SLC35B3: variants seen among roughly 807,000 people sequenced by gnomAD.
SLC35B3 encodes solute carrier family 35 member B3, also known as adenosine 3'-phospho 5'-phosphosulfate transporter 2.
Under a neutral mutation model 44.1 loss-of-function variants are expected in SLC35B3, and 35 were observed. That is an observed-to-expected ratio of 0.79 (90% CI 0.61 to 1.05). SLC35B3 has a LOEUF of 1.05. Ranked by LOEUF, SLC35B3 falls within the 50% of genes least tolerant of loss-of-function variation. The pLI is 0.00. For synonymous variants in SLC35B3, 146 were observed against 167.3 expected, an observed-to-expected ratio of 0.87 and a Z score of 0.98; for missense variants, 414 against 476.4, an observed-to-expected ratio of 0.87 and a Z score of 1.22.
Position 8,429,966 on chromosome 6 carries a change from A to G in SLC35B3, c.195T>C (p.Val65=), listed in dbSNP as rs979405916. The G allele has an allele frequency of 1.9e-6, 3 of 1,612,944 alleles. No individual in the cohort carries two copies. The highest frequency in any genetic ancestry group is 2.2e-5 in the East Asian group (1 of 44,856). Residue 65 remains valine (V), a synonymous_variant, in exon 3 of 11, where the codon GTT becomes GTC. Transcript: ENST00000644923. Reference sequence around the variant, plus strand: ...TGCTGAGATTCATGCCAAGTACCACAACGTCGTCAACTGACTTGATGTGTG... The same window carrying G: ...TGCTGAGATTCATGCCAAGTACCACGACGTCGTCAACTGACTTGATGTGTG...
At position 8,433,326 on chromosome 6, in the gene SLC35B3, A is replaced by G. The variant is rs1360173322; in HGVS notation, c.3+1059T>C. 6.6e-6 allele frequency among the ~76,000 whole-genome samples: 1 copy of G among 152,156 alleles called. No individual in the cohort carries two copies. The highest frequency in any genetic ancestry group is 1.5e-5 in the Non-Finnish European group (1 of 68,030). ...TGTCCTGGACTCAATCATATTATAC[A>G]TATTTTTCAAATTCCTAAATGATAA... On this transcript the variant is annotated intron_variant, in intron 2 of 10. Transcript: ENST00000644923. This position sits in a 1 kb window ranked among gnomAD's most constrained non-coding sequence, Gnocchi z 4.1.
In SLC35B3 at chr6:8,411,707, A is replaced by G. The variant is rs536476468; in HGVS notation, c.*1842T>C. Among the ~76,000 whole-genome samples the G allele has an allele frequency of 6.6e-6, 1 of 152,214 alleles. No homozygotes were observed. Among genetic ancestry groups the G allele is most frequent in the Non-Finnish European group, 1.5e-5 (1 of 68,032 alleles). On this transcript the variant is annotated 3_prime_UTR_variant, in exon 11 of 11. Coordinates refer to ENST00000644923, the MANE Select transcript of SLC35B3 (RefSeq NM_001370476.2). ...GATACAGGCTCTGTTGTACCTGCAT[A>G]TGCACATAACAGATTAAATAGCCAT...
In SLC35B3 at chr6:8,434,284, G is replaced by T; in HGVS notation, c.3+101C>A. 8.9e-7 allele frequency: 1 copy of T among 1,121,802 alleles called. No homozygotes were observed. The highest frequency in any genetic ancestry group is 1.3e-6 in the Non-Finnish European group (1 of 752,400). 69.5% of individuals were successfully genotyped at this position (1,121,802 alleles called of 1,614,324 possible). ...GACAAAAGTCCCACACCAAAAAAAG[G>T]TAGAATATGAAAAAAAAGTCATTAC... On this transcript the variant is annotated intron_variant, in intron 2 of 10. Transcript: ENST00000644923. This position sits in a 1 kb window ranked among gnomAD's most constrained non-coding sequence, Gnocchi z 6.3.
Position 8,420,944 on chromosome 6 carries a change from T to A in SLC35B3, c.575-116A>T, listed in dbSNP as rs1762837694. On this transcript the variant is annotated intron_variant, in intron 5 of 10. Transcript: ENST00000644923. The surrounding 1 kb of genome is among the most constrained non-coding windows in gnomAD (Gnocchi z 4.4). ...TTTTTTATATCCAATGCCAAAAACG[T>A]GAACACTTAGGTCAAGGCAGAAGAC... 2.9e-6 allele frequency: 2 copies of A among 681,540 alleles called. No homozygotes were observed. Among genetic ancestry groups the A allele is most frequent in the Non-Finnish European group, 4.8e-6 (2 of 414,130 alleles). 42.2% of individuals were successfully genotyped at this position (681,540 alleles called of 1,614,324 possible).
Position 8,420,631 on chromosome 6 carries a change from A to G in SLC35B3, c.682+90T>C. 3 of 899,398 alleles carry G rather than the reference A, an allele frequency of 3.3e-6. No homozygotes were observed. The highest frequency in any genetic ancestry group is 5.2e-6 in the Non-Finnish European group (3 of 574,494). 55.7% of individuals were successfully genotyped at this position (899,398 alleles called of 1,614,324 possible). On this transcript the variant is annotated intron_variant, in intron 6 of 10. Transcript: ENST00000644923. This position sits in a 1 kb window ranked among gnomAD's most constrained non-coding sequence, Gnocchi z 4.4. Reference sequence around the variant, plus strand: ...TAGATATGAAAATTGCAGCTGTCACACTATCATTTAAAATGCTTACAAAAT... The same window carrying G: ...TAGATATGAAAATTGCAGCTGTCACGCTATCATTTAAAATGCTTACAAAAT...
rs1395871311 is a variant in SLC35B3 at position 8,424,606 on chromosome 6, C to T, written c.420-1982G>A. ...AAAACCTCTTCAAGACAAATCTGAG[C>T]ACTCTCCTTAATTAGAAACTTATAC... On this transcript the variant is annotated intron_variant, in intron 4 of 10. Coordinates refer to ENST00000644923, the MANE Select transcript of SLC35B3 (RefSeq NM_001370476.2). Among the ~76,000 whole-genome samples the T allele has an allele frequency of 2.6e-5, 4 of 152,284 alleles. No individual in the cohort carries two copies. In the East Asian group the frequency reaches 7.7e-4, roughly 29 times the overall value.
rs566100723 is a variant in SLC35B3, at chr6:8,416,786, T to C, written c.985+98A>G. ...ATTGGTGAAATATGATAATTTTCTTTTTAATATAAAGGAGATGTTGCCCTT... is the reference window on the plus strand; with the variant it reads ...ATTGGTGAAATATGATAATTTTCTTCTTAATATAAAGGAGATGTTGCCCTT... On this transcript the variant is annotated intron_variant, in intron 9 of 10. Coordinates refer to ENST00000644923, the MANE Select transcript of SLC35B3 (RefSeq NM_001370476.2). The C allele has an allele frequency of 3.0e-5, 15 of 502,776 alleles. No individual in the cohort carries two copies. In the East Asian group the frequency reaches 4.8e-4, roughly 16 times the overall value. 31.1% of individuals were successfully genotyped at this position (502,776 alleles called of 1,614,324 possible).
In SLC35B3 at chr6:8,430,171, T is replaced by TA. The variant is rs760438042; in HGVS notation, c.4-15dup. 3.9e-6 allele frequency: 6 copies of TA among 1,527,882 alleles called. No individual in the cohort carries two copies. The East Asian group carries it at 6.8e-5, about 17-fold the overall frequency. The allele number at this position is 1,527,882 out of a possible 1,614,324, so 94.6% of individuals were successfully genotyped here. ...CTGTGTCAAGTCCTAGAGAAGGAAA[T>TA]AAGCAATTAAAACATTTACATGATA... On this transcript the variant is annotated splice_polypyrimidine_tract_variant and intron_variant, in intron 2 of 10. Transcript: ENST00000644923.
chr6:8,420,848 G>A lies in SLC35B3; in HGVS notation c.575-20C>T, dbSNP rs1348516172. On this transcript the variant is annotated intron_variant, in intron 5 of 10. Transcript: ENST00000644923. The surrounding 1 kb of genome is among the most constrained non-coding windows in gnomAD (Gnocchi z 4.4). ...GCTTTCCTGTATAAAACAAACGTAAGTCCACTTCATTATGCAAATACCCAC... is the reference window on the plus strand; with the variant it reads ...GCTTTCCTGTATAAAACAAACGTAAATCCACTTCATTATGCAAATACCCAC... 1 of 1,565,874 alleles carries A rather than the reference G, an allele frequency of 6.4e-7. No homozygotes were observed. Among genetic ancestry groups the A allele is most frequent in the Non-Finnish European group, 8.7e-7 (1 of 1,143,846 alleles).
Position 8,434,541 on chromosome 6 carries a change from T to A in SLC35B3, c.-43-111A>T, listed in dbSNP as rs551852931. The A allele has an allele frequency of 4.7e-6, 3 of 637,730 alleles. No homozygotes were observed. In the South Asian group the frequency reaches 1.2e-4, roughly 26 times the overall value. The allele number at this position is 637,730 out of a possible 1,614,324, so 39.5% of individuals were successfully genotyped here. A position where few individuals can be genotyped will look rare whatever the true frequency, so the allele number is the denominator to read the frequency against. The stretch of plus-strand genomic sequence containing the variant: ...CTGTGCTAATGTTTGAAGACTATTC[T>A]TTTTTTTTTCCAAGAGAAAAAGTTA... On this transcript the variant is annotated intron_variant, in intron 1 of 10. Transcript: ENST00000644923. The surrounding 1 kb of genome is among the most constrained non-coding windows in gnomAD (Gnocchi z 6.3).
Position 8,433,680 on chromosome 6 carries a change from A to G in SLC35B3, c.3+705T>C, listed in dbSNP as rs149159742. Among the ~76,000 whole-genome samples, 1,489 of 152,314 alleles carry G rather than the reference A, an allele frequency of 9.8e-3. 30 individuals carry two copies. The highest frequency in any genetic ancestry group is 0.034 in the African/African-American group (1,398 of 41,560). ...TGAAACTCCCCACAAAACATTTGAA[A>G]TGAACATGAAAATAAATTTGTTTCC... On this transcript the variant is annotated intron_variant, in intron 2 of 10. Transcript: ENST00000644923. The surrounding 1 kb of genome is among the most constrained non-coding windows in gnomAD (Gnocchi z 4.1).
At position 8,416,999 on chromosome 6, in the gene SLC35B3, CA is replaced by C; in HGVS notation, c.874-5del. 1.3e-6 allele frequency: 2 copies of C among 1,503,436 alleles called. No homozygotes were observed. Among genetic ancestry groups the C allele is most frequent in the Non-Finnish European group, 1.8e-6 (2 of 1,114,114 alleles). The allele number at this position is 1,503,436 out of a possible 1,614,324, so 93.1% of individuals were successfully genotyped here. ...AACCATAGGTCCGAACTGGATTCTG[CA>C]AAAAATAAAAAAGCCTGTTAGAAAA... On this transcript the variant is annotated splice_region_variant and splice_polypyrimidine_tract_variant and intron_variant, in intron 8 of 10. Transcript: ENST00000644923.
Position 8,412,560 on chromosome 6 carries a change from GT to G in SLC35B3, c.*988del, listed in dbSNP as rs1561740562. On this transcript the variant is annotated 3_prime_UTR_variant, in exon 11 of 11. Coordinates refer to ENST00000644923, the MANE Select transcript of SLC35B3 (RefSeq NM_001370476.2). Reference sequence around the variant, plus strand: ...ACTTACATGATGCAGAATGATGTCTGTTTTTACTACCTTGCCTATATTCTAC... The same window carrying G: ...ACTTACATGATGCAGAATGATGTCTGTTTTACTACCTTGCCTATATTCTAC... 6.6e-6 allele frequency among the ~76,000 whole-genome samples: 1 copy of G among 152,160 alleles called. No individual in the cohort carries two copies. Among genetic ancestry groups the G allele is most frequent in the Admixed American group, 6.5e-5 (1 of 15,276 alleles).
At position 8,419,717 on chromosome 6, in the gene SLC35B3, C is replaced by T; in HGVS notation, c.683-40G>A. 8.7e-7 allele frequency: 1 copy of T among 1,150,200 alleles called. No individual in the cohort carries two copies. Among genetic ancestry groups the T allele is most frequent in the Non-Finnish European group, 1.2e-6 (1 of 819,394 alleles). The allele number at this position is 1,150,200 out of a possible 1,614,324, so 71.2% of individuals were successfully genotyped here. ...TAAAAAAACAAACAAAAAAACCCTCCTTATTTAAACATATGAACTATAATC... is the reference window on the plus strand; with the variant it reads ...TAAAAAAACAAACAAAAAAACCCTCTTTATTTAAACATATGAACTATAATC... On this transcript the variant is annotated intron_variant, in intron 6 of 10. Transcript: ENST00000644923. This position sits in a 1 kb window ranked among gnomAD's most constrained non-coding sequence, Gnocchi z 4.3.
At chr6:8,428,093 G>A (rs772624605) in intron 3 of SLC35B3, 35 bp from the exon 3 acceptor site, 16 of 1,409,228 alleles carry the variant, frequency 1.1e-5, no homozygotes, top group African/African-American at 5.9e-5. Flanking sequence ...TTAAGTCCAA[G>A]GCAGCACACT....
intron 4 of SLC35B3, among the ~76,000 whole-genome samples, chr6:8,425,301 C>T (rs1763313494): frequency 6.6e-6 from 1 of 152,042 alleles, no homozygotes; most frequent in South Asian, 2.1e-4. Context: ...TTAGAAGGCC[C>T]AGTAGTTTGT....
At position 8,414,909 on chromosome 6, in the gene SLC35B3, G is replaced by A; in HGVS notation, c.1054C>T (p.Gln352Ter). ...ATTGTTTAATTAAGAAGTACTTACT[G>A]AAACGTGAATGGTTTAGCAAAGAAT... is the stretch of plus-strand genomic sequence containing the variant. Residue 352 changes from glutamine (Q) to a stop codon, truncating the protein, a stop_gained and splice_region_variant, in exon 10 of 11, where the codon CAG becomes TAG. Coordinates refer to ENST00000644923, the MANE Select transcript of SLC35B3 (RefSeq NM_001370476.2). LOFTEE classifies it high-confidence loss of function. 1 of 1,567,662 alleles carries A rather than the reference G, an allele frequency of 6.4e-7. No individual in the cohort carries two copies. The highest frequency in any genetic ancestry group is 8.7e-7 in the Non-Finnish European group (1 of 1,147,154).
Position 8,417,454 on chromosome 6 carries a change from A to G in SLC35B3, c.821T>C (p.Leu274Pro), listed in dbSNP as rs190725185. ...TAATCCACTAGTGCATGTCAATCCC[A>G]GTAAAATGTATACAAAACCAATTGA... is the stretch of plus-strand genomic sequence containing the variant. The change falls in exon 8 of 11, where the codon CTG becomes CCG. Residue 274 changes from leucine to proline, a missense_variant. Coordinates refer to ENST00000644923, the MANE Select transcript of SLC35B3 (RefSeq NM_001370476.2). The G allele has an allele frequency of 9.4e-5, 151 of 1,606,738 alleles. No homozygotes were observed. The highest frequency in any genetic ancestry group is 2.1e-4 in the Admixed American group (12 of 58,384).
chr6:8,415,594 T>C lies in SLC35B3; in HGVS notation c.986-617A>G, dbSNP rs147489960. ...CGGTTGCCATCTTCCCACTTGACTA[T>C]GTGCTTTACTTAGTTTCTTGCCTTA... On this transcript the variant is annotated intron_variant, in intron 9 of 10. Coordinates refer to ENST00000644923, the MANE Select transcript of SLC35B3 (RefSeq NM_001370476.2). 3.0e-3 allele frequency among the ~76,000 whole-genome samples: 464 copies of C among 152,308 alleles called. 1 individual carries two copies. The highest frequency in any genetic ancestry group is 0.01 in the Middle Eastern group (3 of 294).
Sources: allele counts gnomAD v4.1 joint callset (sites outside exome capture counted in the v4.1 genomes callset), GRCh38; gene constraint gnomAD v4.1.1; non-coding constraint Gnocchi (gnomAD v3.1); transcripts MANE v1.5; gene names NCBI Gene and HGNC (gene_info 2026-07-23, HGNC 2026-07-21).